The following PDZRN3 variants were observed in gnomAD, a reference collection of about 807,000 sequenced individuals.
PDZRN3 encodes E3 ubiquitin-protein ligase PDZRN3.
Under a neutral mutation model 85.7 loss-of-function variants are expected in PDZRN3, and 38 were observed. The ratio of observed to expected loss-of-function variants is 0.44; its 90% CI spans 0.34 to 0.58. PDZRN3 has a LOEUF of 0.58. Among genes scored for constraint, PDZRN3 ranks in the 20% least tolerant of loss-of-function variants. PDZRN3 has a pLI of 0.01. For missense variants in PDZRN3, 1,629 were observed against 1,506.4 expected (o/e 1.08, Z -1.35); for synonymous variants, 759 against 638.0 (o/e 1.19, Z -2.86).
At chr3:73,590,431 T>TA (rs1423412199) in intron 3 of PDZRN3, among the ~76,000 whole-genome samples, 1 of 152,174 alleles carries the variant, frequency 6.6e-6, no homozygotes, top group Non-Finnish European at 1.5e-5. Flanking sequence ...ACTTGGCACT[T>TA]AGTGCCCTTC....
intron 2 of PDZRN3, among the ~76,000 whole-genome samples, chr3:73,605,248 CTCT>C (rs886486962): frequency 3.3e-5 from 5 of 151,674 alleles, no homozygotes; most frequent in Admixed American, 6.6e-5. Flanking sequence ...TAAAAGGCAT[CTCT>C]TTATTCTTAG....
At chr3:73,455,412 A>C (rs1296031878) in intron 3 of PDZRN3, among the ~76,000 whole-genome samples, 1 of 152,226 alleles carries the variant, frequency 6.6e-6, no homozygotes, top group Non-Finnish European at 1.5e-5. Context: ...TCATGAATAC[A>C]TGATGCTGTG....
intron 3 of PDZRN3, among the ~76,000 whole-genome samples, chr3:73,566,144 G>A (rs76475615): frequency 0.064 from 9,757 of 152,184 alleles, 1,010 homozygotes; most frequent in African/African-American, 0.22. Context: ...TTAAATTTTT[G>A]TTGTAAGAGA....
chr3:73,384,262 C>T lies in PDZRN3; in HGVS notation c.2304G>A (p.Pro768=), dbSNP rs1298089316. ...TGTCGGGGGAGATCTCCAGGGTGAG[C>T]GGGGTGCTGCGGCAGCTCTCGCCTG... is the stretch of plus-strand genomic sequence containing the variant. ...YNTGESCRST[P]LTLEISPDNS... The change falls in exon 10 of 10, where the codon CCG becomes CCA. Residue 768 remains proline, a synonymous_variant. Coordinates refer to ENST00000263666, the MANE Select transcript of PDZRN3 (RefSeq NM_015009.3). 9.9e-6 allele frequency: 16 copies of T among 1,612,892 alleles called. No individual in the cohort carries two copies. The highest frequency in any genetic ancestry group is 1.7e-4 in the Middle Eastern group (1 of 6,058).
intron 3 of PDZRN3, among the ~76,000 whole-genome samples, chr3:73,419,734 G>C (rs1346250476): frequency 6.6e-6 from 1 of 152,180 alleles, no homozygotes; most frequent in Non-Finnish European, 1.5e-5. Flanking sequence ...CGCTGAGTAT[G>C]TCCAGAGGAC....
intron 5 of PDZRN3, 66 bp downstream of exon 5, chr3:73,400,856 G>T: frequency 8.9e-7 from 1 of 1,126,356 alleles, no homozygotes; most frequent in South Asian, 1.2e-5. Flanking sequence ...TGCTTATAGA[G>T]AACTTATTAG....
chr3:73,610,024 A>G (rs1293118387), intron 1 of PDZRN3, among the ~76,000 whole-genome samples: 1 of 152,256 alleles, frequency 6.6e-6, no homozygotes, highest in Admixed American at 6.5e-5. Flanking sequence ...CTCCATGCTT[A>G]AAGTCTTAAT....
chr3:73,458,561 T>C (rs577791304), intron 3 of PDZRN3, among the ~76,000 whole-genome samples: 9 of 148,504 alleles, frequency 6.1e-5, no homozygotes, highest in African/African-American at 2.2e-4. Context: ...ACATACTAGA[T>C]ACAATGCTAG....
At chr3:73,522,558 A>G (rs1704392407) in intron 3 of PDZRN3, among the ~76,000 whole-genome samples, 1 of 152,184 alleles carries the variant, frequency 6.6e-6, no homozygotes, top group Non-Finnish European at 1.5e-5. Context: ...TTGATGTGAG[A>G]ATCAAATACA....
intron 3 of PDZRN3, among the ~76,000 whole-genome samples, chr3:73,507,298 A>G (rs902396324): frequency 2.6e-5 from 4 of 152,140 alleles, no homozygotes; most frequent in African/African-American, 9.7e-5. Context: ...CCTCCCGAGT[A>G]GCTGGGATTA....
At position 73,388,088 on chromosome 3, in the gene PDZRN3, G is replaced by A. The variant is rs760533730; in HGVS notation, c.1417-19C>T. 3.2e-5 allele frequency: 37 copies of A among 1,152,326 alleles called. No individual in the cohort carries two copies. The highest frequency in any genetic ancestry group is 5.7e-5 in the South Asian group (4 of 69,964). The allele number at this position is 1,152,326 out of a possible 1,614,324, so 71.4% of individuals were successfully genotyped here. On this transcript the variant is annotated intron_variant, in intron 7 of 9. Transcript: ENST00000263666. ...CATTAATCTTTTAAAAAAAAAGGGGGGGTGGGGAGAGTGGGGAGACAAATA... is the reference window on the plus strand; with the variant it reads ...CATTAATCTTTTAAAAAAAAAGGGGAGGTGGGGAGAGTGGGGAGACAAATA...
chr3:73,559,587 G>A (rs1701774212), intron 3 of PDZRN3, among the ~76,000 whole-genome samples: 1 of 152,178 alleles, frequency 6.6e-6, no homozygotes. Context: ...CAGTTGATTT[G>A]AAGATGTTGT....
rs1431524494 is a variant in PDZRN3 at position 73,383,569 on chromosome 3, C to T, written c.2997G>A (p.Arg999=). 8 of 1,614,180 alleles carry T rather than the reference C, an allele frequency of 5.0e-6. No homozygotes were observed. The highest frequency in any genetic ancestry group is 6.8e-6 in the Non-Finnish European group (8 of 1,180,022). ...RRRREFMMQS[R]LDCLKEQQAA... Reference sequence around the variant, plus strand: ...CTTGCTGCTCCTTGAGACAATCCAACCTGCTCTGCATCATGAACTCGCGCC... The same window carrying T: ...CTTGCTGCTCCTTGAGACAATCCAATCTGCTCTGCATCATGAACTCGCGCC... Residue 999 remains arginine (R), a synonymous_variant, in exon 10 of 10, where the codon AGG becomes AGA. Coordinates refer to ENST00000263666, the MANE Select transcript of PDZRN3 (RefSeq NM_015009.3).
intron 3 of PDZRN3, among the ~76,000 whole-genome samples, chr3:73,600,045 T>C (rs1201967391): frequency 6.6e-6 from 1 of 152,156 alleles, no homozygotes; most frequent in Non-Finnish European, 1.5e-5. Flanking sequence ...CCAAAATATT[T>C]CTTATAAAAA....
intron 3 of PDZRN3, among the ~76,000 whole-genome samples, chr3:73,557,569 G>A (rs1044625073): frequency 5.9e-5 from 9 of 152,230 alleles, no homozygotes; most frequent in East Asian, 5.8e-4. Flanking sequence ...ACTAACGGCC[G>A]TAAATAACAG....
intron 3 of PDZRN3, among the ~76,000 whole-genome samples, chr3:73,443,291 C>T (rs968569118): frequency 2.0e-5 from 3 of 152,098 alleles, no homozygotes; most frequent in Admixed American, 1.3e-4. Flanking sequence ...GCTCTAAGTT[C>T]GCAGATGGCT....
rs748346217 is a variant in PDZRN3, at chr3:73,482,701, C to G, written c.919-78306G>C. ...GAGTTGGGTAGTGCCCTTGGATATC[C>G]TCAGGGCTGGTCTGGACAGCCCCCC... On this transcript the variant is annotated intron_variant, in intron 3 of 9. Coordinates refer to ENST00000263666, the MANE Select transcript of PDZRN3 (RefSeq NM_015009.3). Among the ~76,000 whole-genome samples, 18 of 152,280 alleles carry G rather than the reference C, an allele frequency of 1.2e-4. 1 individual carries two copies. The highest frequency in any genetic ancestry group is 9.7e-4 in the East Asian group (5 of 5,176).
intron 3 of PDZRN3, among the ~76,000 whole-genome samples, chr3:73,452,914 T>A (rs572168474): frequency 5.1e-4 from 77 of 150,590 alleles, no homozygotes; most frequent in African/African-American, 1.8e-3. Flanking sequence ...TTCTTCTGCA[T>A]AATTTATTGG....
chr3:73,594,596 C>T (rs1035841054), intron 3 of PDZRN3, among the ~76,000 whole-genome samples: 1 of 152,084 alleles, frequency 6.6e-6, no homozygotes, highest in Non-Finnish European at 1.5e-5. Flanking sequence ...AGAGTGAATA[C>T]CTGGGTGGAG....
Sources: gnomAD v4.1 joint callset for allele counts (sites outside exome capture counted in the v4.1 genomes callset) on GRCh38, gnomAD v4.1.1 for gene constraint, MANE v1.5 for transcripts, NCBI Gene and HGNC (gene_info 2026-07-23, HGNC 2026-07-21) for gene names.